ABI3BP: variants seen among roughly 807,000 people sequenced by gnomAD.
ABI3BP encodes target of Nesh-SH3.
Under a neutral mutation model 268.6 loss-of-function variants are expected in ABI3BP, and 216 were observed. That is an observed-to-expected ratio of 0.80 (90% CI 0.72 to 0.90). The LOEUF (loss-of-function observed/expected upper bound fraction) is 0.90, where lower values mean the gene tolerates loss of function less well. ABI3BP is among the 40% of genes least tolerant of loss of function. ABI3BP has a pLI of 0.00. For missense variants in ABI3BP, 2,090 were observed against 2,182.4 expected, an observed-to-expected ratio of 0.96 and a Z score of 0.84; for synonymous variants, 730 against 730.0, an observed-to-expected ratio of 1.00 and a Z score of 0.00.
At chr3:100,934,260 G>T (rs1310671183) in intron 1 of ABI3BP, among the ~76,000 whole-genome samples, 1 of 151,680 alleles carries the variant, frequency 6.6e-6, no homozygotes, top group Non-Finnish European at 1.5e-5. Flanking sequence ...GCATTAGTTC[G>T]TTGAGAATGA....
chr3:100,811,849 A>C lies in ABI3BP; in HGVS notation c.3422-50T>G, dbSNP rs140918578. Reference sequence around the variant, plus strand: ...GTTAGTGGTGGCCAACCCAAAGCACACTGTAATAGAACCCTGCATTTAATT... The same window carrying C: ...GTTAGTGGTGGCCAACCCAAAGCACCCTGTAATAGAACCCTGCATTTAATT... On this transcript the variant is annotated intron_variant, in intron 46 of 67. Transcript: ENST00000471714. The C allele has an allele frequency of 9.2e-4, 1,163 of 1,259,848 alleles. 7 individuals carry two copies. The African/African-American group carries it at 0.011, about 11-fold the overall frequency. 78.0% of individuals were successfully genotyped at this position (1,259,848 alleles called of 1,614,324 possible). A position where few individuals can be genotyped will look rare whatever the true frequency, so the allele number is the denominator to read the frequency against.
At chr3:100,961,994 T>C (rs2079301140) in intron 1 of ABI3BP, among the ~76,000 whole-genome samples, 1 of 152,216 alleles carries the variant, frequency 6.6e-6, no homozygotes, top group Non-Finnish European at 1.5e-5. Flanking sequence ...TCTCCTTTCA[T>C]GGCACCTGGC....
chr3:100,756,005 C>A (rs1394473528), intron 63 of ABI3BP, among the ~76,000 whole-genome samples: 1 of 152,204 alleles, frequency 6.6e-6, no homozygotes, highest in Admixed American at 6.5e-5. Context: ...GTTTCTTGAT[C>A]ACTGAGGTAT....
In ABI3BP at chr3:100,815,985, A is replaced by C; in HGVS notation, c.3230-14T>G. 2.0e-6 allele frequency: 3 copies of C among 1,502,618 alleles called. No individual in the cohort carries two copies. Among genetic ancestry groups the C allele is most frequent in the African/African-American group, 2.8e-5 (2 of 71,356 alleles). 93.1% of individuals were successfully genotyped at this position (1,502,618 alleles called of 1,614,324 possible). A position where few individuals can be genotyped will look rare whatever the true frequency, so the allele number is the denominator to read the frequency against. On this transcript the variant is annotated splice_polypyrimidine_tract_variant and intron_variant, in intron 43 of 67. Transcript: ENST00000471714. The stretch of plus-strand genomic sequence containing the variant: ...CTGTAACAGAAACTAACCAAAAGCA[A>C]CAACATGAATACAAGAAAGCTTAAA...
At chr3:100,776,481 G>A (rs1206083592) in intron 59 of ABI3BP, among the ~76,000 whole-genome samples, 1 of 152,214 alleles carries the variant, frequency 6.6e-6, no homozygotes, top group East Asian at 1.9e-4. Context: ...TCAGAAGCCT[G>A]GGTGGATCTG....
At position 100,750,437 on chromosome 3, in the gene ABI3BP, A is replaced by G; in HGVS notation, c.*58T>C. 7.5e-7 allele frequency: 1 copy of G among 1,329,828 alleles called. No individual in the cohort carries two copies. The highest frequency in any genetic ancestry group is 1.5e-5 in the African/African-American group (1 of 68,900). The allele number at this position is 1,329,828 out of a possible 1,614,324, so 82.4% of individuals were successfully genotyped here. On this transcript the variant is annotated 3_prime_UTR_variant, in exon 68 of 68. Transcript: ENST00000471714. ...AAATAGCTTTAAATGAATGCGGCAT[A>G]GTATTTTCAATGATTTTTGTTTGCA...
At chr3:100,968,731 G>A (rs1200414550) in intron 1 of ABI3BP, among the ~76,000 whole-genome samples, 2 of 151,968 alleles carry the variant, frequency 1.3e-5, no homozygotes, top group South Asian at 2.1e-4. Context: ...GGATATGTGC[G>A]CAGAACGTGC....
intron 51 of ABI3BP, among the ~76,000 whole-genome samples, chr3:100,803,285 T>A (rs1279704937): frequency 6.9e-6 from 1 of 145,406 alleles, no homozygotes; most frequent in East Asian, 1.9e-4. Context: ...TTAGAGTTTG[T>A]ATGAAAAGCA....
intron 1 of ABI3BP, among the ~76,000 whole-genome samples, chr3:100,931,997 C>T (rs1433473886): frequency 6.6e-6 from 1 of 151,844 alleles, no homozygotes; most frequent in Non-Finnish European, 1.5e-5. Flanking sequence ...GGTACTAGTA[C>T]AAAAACAGAC....
At position 100,823,484 on chromosome 3, in the gene ABI3BP, AGAGT is replaced by A. The variant is rs1221153252; in HGVS notation, c.2773_2776del (p.Thr925LeufsTer9). On this transcript the variant is annotated frameshift_variant, in exon 37 of 68. Coordinates refer to ENST00000471714, the MANE Select transcript of ABI3BP (RefSeq NM_001375547.2). LOFTEE classifies it high-confidence loss of function. ...TAATGTTGTTGAGGCCTCAGGTCTA[AGAGT>A]GACAGGTTCTAGGACTGTAGCAGGA... The A allele has an allele frequency of 2.0e-6, 3 of 1,534,926 alleles. No individual in the cohort carries two copies. Among genetic ancestry groups the A allele is most frequent in the Non-Finnish European group, 2.6e-6 (3 of 1,146,380 alleles).
chr3:100,959,944 C>A (rs942048166), intron 1 of ABI3BP, among the ~76,000 whole-genome samples: 1 of 152,166 alleles, frequency 6.6e-6, no homozygotes, highest in African/African-American at 2.4e-5. Flanking sequence ...CATATGACTA[C>A]ACAAAGTCAG....
chr3:100,924,799 T>C (rs1471135975), intron 2 of ABI3BP, among the ~76,000 whole-genome samples: 2 of 152,198 alleles, frequency 1.3e-5, no homozygotes, highest in African/African-American at 4.8e-5. Context: ...TACTTTAAGA[T>C]TGAACACTTT....
At chr3:100,778,188 C>A (rs1470576694) in intron 59 of ABI3BP, 96 bp downstream of exon 59, 4 of 1,201,640 alleles carry the variant, frequency 3.3e-6, no homozygotes, top group Non-Finnish European at 4.9e-6. Flanking sequence ...TCACACACAT[C>A]AATAGTGTGC....
At chr3:100,870,432 T>TA (rs34483547) in intron 9 of ABI3BP, among the ~76,000 whole-genome samples, 5,502 of 147,200 alleles carry the variant, frequency 0.037, 254 homozygotes, top group African/African-American at 0.11. Context: ...CTAACAGGTA[T>TA]AAAAAAAAAA....
chr3:100,770,314 A>G (rs1189296923), intron 62 of ABI3BP, among the ~76,000 whole-genome samples: 1 of 152,180 alleles, frequency 6.6e-6, no homozygotes, highest in African/African-American at 2.4e-5. Flanking sequence ...GATCAGGAAT[A>G]GAATTTTTGT....
chr3:100,867,043 A>G, intron 9 of ABI3BP, 87 bp from the exon 10 acceptor site: 1 of 977,294 alleles, frequency 1.0e-6, no homozygotes, highest in Non-Finnish European at 1.6e-6. Flanking sequence ...CAGACTAAAA[A>G]TCTAATCTCA....
At chr3:100,830,781 T>C (rs2098477839) in intron 31 of ABI3BP, 147 bp from the exon 32 acceptor site, 2 of 639,680 alleles carry the variant, frequency 3.1e-6, no homozygotes, top group African/African-American at 3.6e-5. Flanking sequence ...TGTATTTTTT[T>C]CCTTTGAATA....
In ABI3BP at chr3:100,816,807, C is replaced by T. The variant is rs560489703; in HGVS notation, c.3149-39G>A. ...CTTTGGATTACTCTAGTGCAGGTGG[C>T]TTTGGAGACAAAACTTTAGGTTTTT... is the stretch of plus-strand genomic sequence containing the variant. On this transcript the variant is annotated intron_variant, in intron 42 of 67. Transcript: ENST00000471714. 3.4e-6 allele frequency: 5 copies of T among 1,486,776 alleles called. No homozygotes were observed. The African/African-American group carries it at 5.6e-5, about 17-fold the overall frequency. 92.1% of individuals were successfully genotyped at this position (1,486,776 alleles called of 1,614,324 possible).
intron 6 of ABI3BP, among the ~76,000 whole-genome samples, chr3:100,878,052 C>T (rs575777074): frequency 6.6e-6 from 1 of 152,232 alleles, no homozygotes; most frequent in South Asian, 2.1e-4. Flanking sequence ...GGGGTGCCTG[C>T]ATGCGTTGAC....
Sources: gnomAD v4.1 joint callset for allele counts (sites outside exome capture counted in the v4.1 genomes callset) on GRCh38, gnomAD v4.1.1 for gene constraint, MANE v1.5 for transcripts, NCBI Gene and HGNC (gene_info 2026-07-23, HGNC 2026-07-21) for gene names.